Variants in CMPK1 observed in about 807,000 individuals in gnomAD.
The protein encoded by CMPK1 is cytidine/uridine monophosphate kinase 1, also known as UMP-CMP kinase.
In CMPK1, 10 loss-of-function variants were observed where a neutral mutation model predicts 25.7. The observed-to-expected ratio is 0.39, with a 90% CI of 0.24 to 0.66. The LOEUF is 0.66. Among genes scored for constraint, CMPK1 ranks in the 30% least tolerant of loss-of-function variants. The pLI is 0.48. For missense variants in CMPK1, 199 were observed against 280.5 expected, an observed-to-expected ratio of 0.71 and a Z score of 2.08; for synonymous variants, 106 against 101.5, an observed-to-expected ratio of 1.04 and a Z score of -0.27.
At chr1:47,371,336 A>G (rs1014475059) in intron 2 of CMPK1, among the ~76,000 whole-genome samples, 3 of 152,158 alleles carry the variant, frequency 2.0e-5, no homozygotes, top group Non-Finnish European at 4.4e-5. Context: ...ATTATGAAAG[A>G]GCATATGGTT....
At chr1:47,357,982 T>C (rs972562992) in intron 1 of CMPK1, among the ~76,000 whole-genome samples, 1 of 151,974 alleles carries the variant, frequency 6.6e-6, no homozygotes, top group African/African-American at 2.4e-5. Flanking sequence ...GGTATTTCTG[T>C]TCCTCTATCG....
intron 1 of CMPK1, among the ~76,000 whole-genome samples, chr1:47,357,482 C>CTTTTTT (rs5773945): frequency 2.1e-5 from 3 of 145,228 alleles, no homozygotes; most frequent in African/African-American, 2.5e-5. Context: ...TTAATGGATT[C>CTTTTTT]TTTTTTTTTT....
intron 1 of CMPK1, among the ~76,000 whole-genome samples, chr1:47,360,768 G>C (rs1343331188): frequency 6.6e-6 from 1 of 152,134 alleles, no homozygotes; most frequent in African/African-American, 2.4e-5. Context: ...TCGAAGTGTT[G>C]CCTGAATTAA....
intron 1 of CMPK1, among the ~76,000 whole-genome samples, chr1:47,336,639 C>G (rs114635658): frequency 3.9e-4 from 59 of 152,282 alleles, no homozygotes; most frequent in African/African-American, 1.4e-3. Context: ...CCTCTCACCT[C>G]AGTCTCCCAA....
At chr1:47,340,610 TTAAGAA>T (rs1359737840) in intron 1 of CMPK1, among the ~76,000 whole-genome samples, 2 of 152,274 alleles carry the variant, frequency 1.3e-5, no homozygotes, top group South Asian at 2.1e-4. Context: ...GGTCCAGTGT[TTAAGAA>T]TATGCTTCTT....
chr1:47,362,459 C>T (rs575837748), intron 1 of CMPK1, among the ~76,000 whole-genome samples: 9 of 151,900 alleles, frequency 5.9e-5, no homozygotes, highest in East Asian at 5.8e-4. Flanking sequence ...TAAACCACCA[C>T]GCCCAGCCTG....
chr1:47,376,571 C>T (rs927271355), intron 5 of CMPK1, 133 bp from the exon 6 acceptor site: 1 of 493,370 alleles, frequency 2.0e-6, no homozygotes, highest in Non-Finnish European at 3.7e-6. Flanking sequence ...CCGCCTCGAC[C>T]TCCCAAAGTG....
intron 1 of CMPK1, among the ~76,000 whole-genome samples, chr1:47,351,812 T>G (rs550729153): frequency 6.6e-6 from 1 of 152,146 alleles, no homozygotes; most frequent in East Asian, 1.9e-4. Flanking sequence ...GGTTTTTTGT[T>G]TTTTTTTCTC....
At chr1:47,351,407 A>G (rs938254448) in intron 1 of CMPK1, among the ~76,000 whole-genome samples, 3 of 152,138 alleles carry the variant, frequency 2.0e-5, no homozygotes, top group Non-Finnish European at 4.4e-5. Context: ...CCTCCATGTT[A>G]GCATGTATCA....
At chr1:47,376,445 A>G (rs1646708366) in intron 5 of CMPK1, among the ~76,000 whole-genome samples, 1 of 151,994 alleles carries the variant, frequency 6.6e-6, no homozygotes, top group East Asian at 1.9e-4. Flanking sequence ...CCTCCTGGGT[A>G]GCTGGGATTA....
intron 1 of CMPK1, among the ~76,000 whole-genome samples, chr1:47,349,784 G>T (rs1004007235): frequency 6.6e-6 from 1 of 152,034 alleles, no homozygotes; most frequent in African/African-American, 2.4e-5. Flanking sequence ...TGGAGACAGG[G>T]TCTTGTTCTG....
intron 1 of CMPK1, among the ~76,000 whole-genome samples, chr1:47,352,346 T>TA (rs749346272): frequency 1.3e-5 from 2 of 152,164 alleles, no homozygotes; most frequent in African/African-American, 2.4e-5. Flanking sequence ...GAGGAGATCT[T>TA]ACATCTTGTA....
In CMPK1 at chr1:47,334,036, C is replaced by A; in HGVS notation, c.91C>A (p.Arg31Ser). 3 of 1,555,076 alleles carry A rather than the reference C, an allele frequency of 1.9e-6. No individual in the cohort carries two copies. The highest frequency in any genetic ancestry group is 1.9e-5 in the Admixed American group (1 of 53,330). The change falls in exon 1 of 6, where the codon CGT (arginine) becomes AGT (serine). Residue 31 changes from arginine (R) to serine (S), a missense_variant. Around this residue, in one of 2 missense-constraint regions of CMPK1, gnomAD observed 59 missense variants for 45.1 expected, o/e 1.31. Coordinates refer to ENST00000371873, the MANE Select transcript of CMPK1 (RefSeq NM_016308.3). Reference sequence around the variant, plus strand: ...CCGGCCGATTCTCCTCTGCTCTCCACGTCTCATGAAGCCGCTGGTCGTGTT... The same window carrying A: ...CCGGCCGATTCTCCTCTGCTCTCCAAGTCTCATGAAGCCGCTGGTCGTGTT... Reference protein sequence around the residue: ...TRRPILLCSPRLMKPLVVFVL... With the variant: ...TRRPILLCSPSLMKPLVVFVL...
chr1:47,360,626 A>T (rs1646595330), intron 1 of CMPK1, among the ~76,000 whole-genome samples: 1 of 152,228 alleles, frequency 6.6e-6, no homozygotes, highest in Non-Finnish European at 1.5e-5. Flanking sequence ...ATTAATTAGT[A>T]GTGAGGCTCA....
intron 1 of CMPK1, among the ~76,000 whole-genome samples, chr1:47,359,750 G>A (rs1646589108): frequency 6.6e-6 from 1 of 152,032 alleles, no homozygotes; most frequent in Non-Finnish European, 1.5e-5. Flanking sequence ...GACCTCAAGT[G>A]TTCCACCTGC....
At chr1:47,354,562 A>G (rs1464559064) in intron 1 of CMPK1, among the ~76,000 whole-genome samples, 1 of 145,832 alleles carries the variant, frequency 6.9e-6, no homozygotes, top group Non-Finnish European at 1.5e-5. Flanking sequence ...GCACATGTGT[A>G]TGCACATACA....
chr1:47,337,256 C>T (rs1327250939), intron 1 of CMPK1, among the ~76,000 whole-genome samples: 1 of 152,148 alleles, frequency 6.6e-6, no homozygotes, highest in African/African-American at 2.4e-5. Context: ...GCAGTGCAGC[C>T]TGGGTGACAT....
At chr1:47,363,486 C>T (rs927066827) in intron 1 of CMPK1, among the ~76,000 whole-genome samples, 1 of 151,818 alleles carries the variant, frequency 6.6e-6, no homozygotes, top group Non-Finnish European at 1.5e-5. Flanking sequence ...ATTTGCTGCG[C>T]ATGGTGGCGG....
chr1:47,338,589 C>T (rs1457812633), intron 1 of CMPK1, among the ~76,000 whole-genome samples: 1 of 129,314 alleles, frequency 7.7e-6, no homozygotes, highest in African/African-American at 3.0e-5. Flanking sequence ...CCCTCCCTCC[C>T]TCCTTCCTGT....
Sources: gnomAD v4.1 joint callset for allele counts (sites outside exome capture counted in the v4.1 genomes callset) on GRCh38, gnomAD v4.1.1 for gene constraint, gnomAD v4.1.1 regional missense constraint, MANE v1.5 for transcripts, NCBI Gene and HGNC (gene_info 2026-07-23, HGNC 2026-07-21) for gene names.